Variants in KIAA1217 observed in about 807,000 individuals in gnomAD.
KIAA1217 encodes sickle tail protein homolog.
A neutral mutation model predicts 163.9 loss-of-function variants in KIAA1217; 88 were observed. That is an observed-to-expected ratio of 0.54 (90% CI 0.45 to 0.64). The LOEUF is 0.64. KIAA1217 is among the 30% of genes least tolerant of loss of function. The pLI is 0.00. For synonymous variants in KIAA1217, 903 were observed against 923.1 expected (o/e 0.98, Z 0.39); for missense variants, 2,372 against 2,475.0 (o/e 0.96, Z 0.88).
chr10:24,013,686 C>T (rs1287163169), intron 2 of KIAA1217, among the ~76,000 whole-genome samples: 1 of 152,080 alleles, frequency 6.6e-6, no homozygotes, highest in Non-Finnish European at 1.5e-5. Flanking sequence ...GATCAGGTTT[C>T]AGGTAAGTTA....
chr10:24,337,590 TTTTTCTTTTCTTTTCTTTTCTTTTC>T (rs774132476), intron 2 of KIAA1217, among the ~76,000 whole-genome samples: 19 of 134,476 alleles, frequency 1.4e-4, no homozygotes, highest in Middle Eastern at 4.3e-3. Flanking sequence ...TTGTGTGGTT[TTTTTCTTTTCTTTTCTTTTCTTTTC>T]TTTTCTTTTC....
intron 2 of KIAA1217, among the ~76,000 whole-genome samples, chr10:24,131,829 G>T (rs1457299793): frequency 6.6e-6 from 1 of 152,194 alleles, no homozygotes; most frequent in Non-Finnish European, 1.5e-5. Flanking sequence ...TCTCTGGGGA[G>T]TTAATAAAAA....
chr10:24,260,461 A>G (rs552864451), intron 2 of KIAA1217, among the ~76,000 whole-genome samples: 1 of 151,954 alleles, frequency 6.6e-6, no homozygotes, highest in African/African-American at 2.4e-5. Context: ...TAAAAAGACA[A>G]TTTTGAGGCC....
chr10:24,020,532 G>T (rs929246451), intron 2 of KIAA1217, among the ~76,000 whole-genome samples: 2 of 152,012 alleles, frequency 1.3e-5, no homozygotes, highest in Non-Finnish European at 2.9e-5. Flanking sequence ...TGGGAAGCAC[G>T]GGTGCCTTTC....
At chr10:24,473,196 G>A (rs2063710565) in intron 5 of KIAA1217, 32 bp from the exon 6 acceptor site, 1 of 1,453,652 alleles carries the variant, frequency 6.9e-7, no homozygotes, top group African/African-American at 1.4e-5. Flanking sequence ...GAATATCAAA[G>A]TCAACTTTCT....
intron 2 of KIAA1217, among the ~76,000 whole-genome samples, chr10:24,180,099 G>A (rs71493364): frequency 0.019 from 2,853 of 152,192 alleles, 59 homozygotes; most frequent in Non-Finnish European, 0.022. Context: ...GGCAAAAATA[G>A]GGGTGGCAGA....
chr10:23,903,172 T>G (rs1342901249), intron 1 of KIAA1217, among the ~76,000 whole-genome samples: 2 of 152,126 alleles, frequency 1.3e-5, no homozygotes, highest in African/African-American at 2.4e-5. Flanking sequence ...CCCTTTAGGT[T>G]TATGTTAATT....
At chr10:24,415,880 A>G (rs1477152286) in intron 3 of KIAA1217, among the ~76,000 whole-genome samples, 1 of 152,074 alleles carries the variant, frequency 6.6e-6, no homozygotes, top group African/African-American at 2.4e-5. Context: ...CAAGGCTGCC[A>G]GCAGATCCAC....
chr10:24,374,207 C>A lies in KIAA1217; in HGVS notation c.355-6662C>A, dbSNP rs1486925881. On this transcript the variant is annotated intron_variant, in intron 2 of 20. Transcript: ENST00000376454. ...GGAAGAGAAATACTAATTATCAGAC[C>A]TCAACTTAAGCTAGGAGAAACGTGA... Among the ~76,000 whole-genome samples, 3 of 152,124 alleles carry A rather than the reference C, an allele frequency of 2.0e-5. No individual in the cohort carries two copies. In the East Asian group the frequency reaches 5.8e-4, roughly 29 times the overall value.
At chr10:24,334,472 G>GAAGA (rs2046096093) in intron 2 of KIAA1217, among the ~76,000 whole-genome samples, 1 of 148,018 alleles carries the variant, frequency 6.8e-6, no homozygotes, top group Admixed American at 6.8e-5. Context: ...AGGAAGGAAG[G>GAAGA]AAGGAAGGAA....
intron 2 of KIAA1217, among the ~76,000 whole-genome samples, chr10:24,075,149 CACACACACACACACA>C (rs2131638705): frequency 6.8e-6 from 1 of 147,674 alleles, no homozygotes; most frequent in African/African-American, 2.7e-5. Context: ...CACACACACA[CACACACACACACACA>C]CCCCTTCCTC....
At chr10:24,004,922 T>G (rs765801667) in intron 1 of KIAA1217, among the ~76,000 whole-genome samples, 2 of 152,230 alleles carry the variant, frequency 1.3e-5, no homozygotes, top group Non-Finnish European at 2.9e-5. Flanking sequence ...AAGCCTTGTT[T>G]GGTGTCCTGG....
chr10:23,853,595 A>G (rs569348526), intron 1 of KIAA1217, among the ~76,000 whole-genome samples: 2 of 152,176 alleles, frequency 1.3e-5, no homozygotes, highest in South Asian at 2.1e-4. Flanking sequence ...AATGGTACCA[A>G]TTCCTCCTTG....
At chr10:24,183,086 A>G (rs1246890950) in intron 2 of KIAA1217, among the ~76,000 whole-genome samples, 2 of 152,204 alleles carry the variant, frequency 1.3e-5, no homozygotes, top group South Asian at 2.1e-4. Context: ...GCGGGTTGCT[A>G]TAAAGCTGGG....
chr10:24,188,148 G>T (rs1002642655), intron 2 of KIAA1217, among the ~76,000 whole-genome samples: 4 of 152,070 alleles, frequency 2.6e-5, no homozygotes, highest in African/African-American at 9.7e-5. Context: ...AGTGAGCCGA[G>T]AACCCACCAC....
chr10:24,168,587 A>T (rs2065469154), intron 2 of KIAA1217, among the ~76,000 whole-genome samples: 1 of 152,202 alleles, frequency 6.6e-6, no homozygotes, highest in Non-Finnish European at 1.5e-5. Context: ...CTGATTATTT[A>T]AAAATTGGGT....
intron 2 of KIAA1217, among the ~76,000 whole-genome samples, chr10:24,149,153 AT>A (rs1199300349): frequency 2.0e-5 from 3 of 151,934 alleles, no homozygotes; most frequent in African/African-American, 4.8e-5. Flanking sequence ...ATAAACAACA[AT>A]TTTTTTCCTC....
chr10:24,388,227 A>G (rs1564592510), intron 3 of KIAA1217, among the ~76,000 whole-genome samples: 1 of 152,236 alleles, frequency 6.6e-6, no homozygotes, highest in Non-Finnish European at 1.5e-5. Flanking sequence ...ATGGAACAGA[A>G]CAGAGCCCTC....
At chr10:23,972,701 C>A (rs915724233) in intron 1 of KIAA1217, among the ~76,000 whole-genome samples, 2 of 151,228 alleles carry the variant, frequency 1.3e-5, no homozygotes, top group Non-Finnish European at 2.9e-5. Context: ...AGACATGGAA[C>A]CAACCCAAAT....
Sources: gnomAD v4.1 joint callset for allele counts (sites outside exome capture counted in the v4.1 genomes callset) on GRCh38, gnomAD v4.1.1 for gene constraint, MANE v1.5 for transcripts, NCBI Gene and HGNC (gene_info 2026-07-23, HGNC 2026-07-21) for gene names.